CCDC66: variants seen among roughly 807,000 people sequenced by gnomAD.
CCDC66 encodes the protein coiled-coil domain containing 66.
CCDC66 carries 133 observed loss-of-function variants against 128.3 expected under a neutral mutation model. The ratio of observed to expected loss-of-function variants is 1.04; its 90% CI spans 0.90 to 1.20. The LOEUF is 1.20. CCDC66 is among the 50% of genes most tolerant of loss of function. The probability of loss-of-function intolerance (pLI) is 0.00; values close to 1 mark genes in which losing one functional copy is unlikely to be tolerated. For missense variants in CCDC66, 1,126 were observed against 1,075.5 expected, an observed-to-expected ratio of 1.05 and a Z score of -0.66; for synonymous variants, 387 against 357.0, an observed-to-expected ratio of 1.08 and a Z score of -0.95.
chr3:56,594,766 A>C (rs1269727689), intron 10 of CCDC66, among the ~76,000 whole-genome samples: 1 of 152,248 alleles, frequency 6.6e-6, no homozygotes, highest in Non-Finnish European at 1.5e-5. Flanking sequence ...TTTTAGCCTA[A>C]TGCTAAAGGG....
intron 2 of CCDC66, 47 bp from the exon 3 acceptor site, chr3:56,559,521 TA>T: frequency 7.8e-7 from 1 of 1,286,518 alleles, no homozygotes; most frequent in Non-Finnish European, 1.1e-6. Context: ...ATTACCACCT[TA>T]GTATGCTTTT....
In CCDC66 at chr3:56,558,833, T is replaced by G; in HGVS notation, c.12-13T>G. ...TGTTAAAAATGAGAGACAACTTTCT[T>G]TTTTTATTACAGAGATGGTTTAAAG... On this transcript the variant is annotated splice_polypyrimidine_tract_variant and intron_variant, in intron 1 of 17. Coordinates refer to ENST00000394672, the MANE Select transcript of CCDC66 (RefSeq NM_001141947.3). The G allele has an allele frequency of 1.3e-6, 2 of 1,539,186 alleles. No individual in the cohort carries two copies. The highest frequency in any genetic ancestry group is 1.8e-6 in the Non-Finnish European group (2 of 1,137,250).
At chr3:56,584,272 G>A (rs1252531565) in intron 7 of CCDC66, among the ~76,000 whole-genome samples, 29 of 145,424 alleles carry the variant, frequency 2.0e-4, no homozygotes, top group East Asian at 4.4e-4. Context: ...GCTGCCGGGC[G>A]GAGGGGCTCC....
chr3:56,619,151 G>A (rs1054515891), intron 15 of CCDC66, 120 bp from the exon 16 acceptor site: 74 of 792,556 alleles, frequency 9.3e-5, no homozygotes, highest in African/African-American at 6.7e-4. Context: ...CTGAGATCGC[G>A]CCACTGCACT....
intron 10 of CCDC66, among the ~76,000 whole-genome samples, chr3:56,607,908 GTTC>G (rs1212157136): frequency 1.3e-5 from 2 of 152,084 alleles, no homozygotes; most frequent in African/African-American, 4.8e-5. Flanking sequence ...TGTGATTTTT[GTTC>G]TTAATTCTGT....
At chr3:56,579,208 G>A (rs1260652146) in intron 7 of CCDC66, among the ~76,000 whole-genome samples, 10 of 151,854 alleles carry the variant, frequency 6.6e-5, no homozygotes, top group African/African-American at 2.4e-4. Context: ...GGTGTTTATA[G>A]TATTCTCTGA....
intron 10 of CCDC66, 57 bp from the exon 11 acceptor site, chr3:56,613,532 T>G: frequency 6.4e-7 from 1 of 1,569,192 alleles, no homozygotes; most frequent in Non-Finnish European, 8.6e-7. Flanking sequence ...CATCTTGAAT[T>G]CCCTCCTGCT....
chr3:56,615,816 G>A (rs906790963), intron 12 of CCDC66, 106 bp from the exon 13 acceptor site: 2 of 921,630 alleles, frequency 2.2e-6, no homozygotes. Context: ...TTTTATTGCA[G>A]TGTTCATTCT....
At chr3:56,604,813 C>T (rs537670136) in intron 10 of CCDC66, among the ~76,000 whole-genome samples, 24 of 152,032 alleles carry the variant, frequency 1.6e-4, no homozygotes, top group Admixed American at 7.9e-4. Context: ...TGAATGTTGG[C>T]CTGTCTTGCT....
In CCDC66 at chr3:56,615,180, A is replaced by C. The variant is rs1376948056; in HGVS notation, c.1619A>C (p.Gln540Pro). ...CTATTCCAGACAATGCAGCGAGCAC[A>C]GGAACTGGCACAGAGACTAAAACAA... Reference protein sequence around the residue: ...NELFQTMQRAQELAQRLKQEQ... With the variant: ...NELFQTMQRAPELAQRLKQEQ... Residue 540 changes from glutamine to proline, a missense_variant, in exon 12 of 18, where the codon CAG (glutamine) becomes CCG (proline). Transcript: ENST00000394672. 43 of 1,614,042 alleles carry C rather than the reference A, an allele frequency of 2.7e-5. No homozygotes were observed. The highest frequency in any genetic ancestry group is 3.5e-5 in the Non-Finnish European group (41 of 1,179,992).
chr3:56,606,499 G>A (rs144082830), intron 10 of CCDC66, among the ~76,000 whole-genome samples: 24 of 152,044 alleles, frequency 1.6e-4, no homozygotes, highest in Non-Finnish European at 3.1e-4. Flanking sequence ...TCACAGCATG[G>A]CACATCCCTC....
chr3:56,615,755 C>T (rs936188580), intron 12 of CCDC66, 167 bp from the exon 13 acceptor site: 1 of 422,668 alleles, frequency 2.4e-6, no homozygotes, highest in South Asian at 4.1e-5. Context: ...ATTAAATGAT[C>T]TCCCTAAATT....
At chr3:56,604,987 T>G (rs555400802) in intron 10 of CCDC66, among the ~76,000 whole-genome samples, 1 of 152,164 alleles carries the variant, frequency 6.6e-6, no homozygotes, top group African/African-American at 2.4e-5. Context: ...CTTTTTTTTC[T>G]AATCTTGTCT....
At chr3:56,597,834 G>A (rs1410512891) in intron 10 of CCDC66, among the ~76,000 whole-genome samples, 1 of 130,944 alleles carries the variant, frequency 7.6e-6, no homozygotes, top group Non-Finnish European at 1.6e-5. Context: ...GAGTGCAGTG[G>A]CGCGATCTCA....
At chr3:56,579,783 A>G (rs2107999397) in intron 7 of CCDC66, among the ~76,000 whole-genome samples, 1 of 151,938 alleles carries the variant, frequency 6.6e-6, no homozygotes, top group African/African-American at 2.4e-5. Context: ...ATAGTTTGTT[A>G]AAATTTCTGT....
At chr3:56,591,713 A>G (rs969731955) in intron 7 of CCDC66, among the ~76,000 whole-genome samples, 10 of 152,206 alleles carry the variant, frequency 6.6e-5, no homozygotes, top group African/African-American at 2.4e-4. Flanking sequence ...AATAAGTTGG[A>G]TGGTTTTTAA....
chr3:56,621,593 A>AAGAG lies in CCDC66; in HGVS notation c.2825_2828dup (p.Ser943ArgfsTer18), dbSNP rs570037412. The AAGAG allele has an allele frequency of 3.3e-3, 5,308 of 1,599,706 alleles. 9 individuals are homozygous for AAGAG. Among genetic ancestry groups the AAGAG allele is most frequent in the Non-Finnish European group, 4.2e-3 (4,957 of 1,173,680 alleles). The stretch of plus-strand genomic sequence containing the variant: ...CTCCTGCCTTTAGCTGAAAATCAAG[A>AAGAG]AGAGAGTTTTGGTTCTTCATTTTAA... On this transcript the variant is annotated frameshift_variant, in exon 18 of 18. Coordinates refer to ENST00000394672, the MANE Select transcript of CCDC66 (RefSeq NM_001141947.3). LOFTEE classifies it high-confidence loss of function.
intron 6 of CCDC66, 23 bp downstream of exon 6, chr3:56,567,076 T>A: frequency 6.5e-7 from 1 of 1,537,164 alleles, no homozygotes; most frequent in Non-Finnish European, 9.0e-7. Flanking sequence ...TATACCTTTA[T>A]TATAGTTTTA....
intron 10 of CCDC66, among the ~76,000 whole-genome samples, chr3:56,603,491 G>C (rs1275608284): frequency 1.3e-5 from 2 of 151,862 alleles, no homozygotes; most frequent in Non-Finnish European, 2.9e-5. Context: ...TTGTCTCTTT[G>C]TTCTCATTGG....
Sources: allele counts gnomAD v4.1 joint callset (sites outside exome capture counted in the v4.1 genomes callset), GRCh38; gene constraint gnomAD v4.1.1; transcripts MANE v1.5; gene names NCBI Gene and HGNC (gene_info 2026-07-23, HGNC 2026-07-21).